CNOT10: variants seen among roughly 807,000 people sequenced by gnomAD.
The protein encoded by CNOT10 is CCR4-NOT transcription complex, subunit 10.
A neutral mutation model predicts 94.6 loss-of-function variants in CNOT10; 30 were observed. That is an observed-to-expected ratio of 0.32 (90% CI 0.24 to 0.43). The LOEUF is 0.43. Ranked by LOEUF, CNOT10 falls within the 20% of genes least tolerant of loss-of-function variation. The pLI, the probability that CNOT10 is intolerant of heterozygous loss-of-function variation, is 1.00. For synonymous variants in CNOT10, 289 were observed against 301.6 expected, an observed-to-expected ratio of 0.96 and a Z score of 0.43; for missense variants, 759 against 877.2, an observed-to-expected ratio of 0.87 and a Z score of 1.70.
At chr3:32,739,628 A>G (rs1228224015) in intron 13 of CNOT10, among the ~76,000 whole-genome samples, 6 of 152,072 alleles carry the variant, frequency 3.9e-5, no homozygotes, top group Non-Finnish European at 7.4e-5. Context: ...CTCTAAAAAA[A>G]TCAAAAAATT....
At chr3:32,746,055 T>C (rs7428144) in intron 13 of CNOT10, among the ~76,000 whole-genome samples, 150,263 of 152,362 alleles carry the variant, frequency 0.99, 74,137 homozygotes, top group East Asian at 1. Context: ...TTTCCTGTTT[T>C]TTCTTTTCCT....
intron 13 of CNOT10, among the ~76,000 whole-genome samples, chr3:32,746,747 G>A (rs1299764735): frequency 6.7e-6 from 1 of 149,936 alleles, no homozygotes; most frequent in Non-Finnish European, 1.5e-5. Flanking sequence ...TGAGGCAGGA[G>A]AATGGTGTGT....
chr3:32,731,164 A>C (rs1183235517), intron 10 of CNOT10: 3 of 152,208 alleles, frequency 2.0e-5, no homozygotes, highest in Non-Finnish European at 4.4e-5. Flanking sequence ...CCACTTTTTC[A>C]TTAATATTGC....
intron 13 of CNOT10, among the ~76,000 whole-genome samples, chr3:32,741,860 G>A (rs530950314): frequency 3.4e-4 from 52 of 151,218 alleles, no homozygotes; most frequent in African/African-American, 1.0e-3. Flanking sequence ...ATGTATGAGT[G>A]ATCCAGTTTC....
intron 14 of CNOT10, among the ~76,000 whole-genome samples, chr3:32,761,560 T>C (rs1339708103): frequency 1.3e-5 from 2 of 150,484 alleles, no homozygotes; most frequent in Non-Finnish European, 3.0e-5. Flanking sequence ...ACCCGGCTAA[T>C]TTTTTTTCTT....
intron 8 of CNOT10, among the ~76,000 whole-genome samples, chr3:32,723,537 G>A (rs1698517258): frequency 2.0e-5 from 3 of 152,120 alleles, no homozygotes; most frequent in Non-Finnish European, 4.4e-5. Context: ...TTTTGTGATG[G>A]AGAAGGCTTG....
rs192738588 is a variant in CNOT10, at chr3:32,772,010, T to C, written c.2081-1447T>C. ...GAAGAAAGGCTGTTGGCTCTAAATA[T>C]GAGATAGCATGAAGTAGAAAAGAGA... On this transcript the variant is annotated intron_variant, in intron 18 of 18. Coordinates refer to ENST00000328834, the MANE Select transcript of CNOT10 (RefSeq NM_015442.3). 2.0e-3 allele frequency among the ~76,000 whole-genome samples: 305 copies of C among 152,216 alleles called. 1 individual carries two copies. The highest frequency in any genetic ancestry group is 3.4e-3 in the Admixed American group (52 of 15,286).
At chr3:32,772,292 T>C (rs150377674) in intron 18 of CNOT10, among the ~76,000 whole-genome samples, 3,281 of 151,384 alleles carry the variant, frequency 0.022, 61 homozygotes, top group Middle Eastern at 0.085. Flanking sequence ...GAGGTTGCAC[T>C]GAGCCGAGAT....
intron 13 of CNOT10, chr3:32,753,279 C>G: frequency 5.9e-6 from 5 of 850,982 alleles, no homozygotes; most frequent in Non-Finnish European, 1.0e-5. Flanking sequence ...TGTCAAGAAG[C>G]TCAGAATGGC....
intron 8 of CNOT10, among the ~76,000 whole-genome samples, chr3:32,722,866 C>G (rs1698486945): frequency 6.6e-6 from 1 of 152,100 alleles, no homozygotes; most frequent in Admixed American, 6.6e-5. Context: ...CGCCTGTATT[C>G]CCAGCTACTT....
chr3:32,743,270 AG>A (rs763368674), intron 13 of CNOT10, among the ~76,000 whole-genome samples: 2 of 152,096 alleles, frequency 1.3e-5, no homozygotes, highest in African/African-American at 2.4e-5. Context: ...TACAGGCATG[AG>A]CCACCCACCC....
At chr3:32,747,164 C>T (rs1324017040) in intron 13 of CNOT10, among the ~76,000 whole-genome samples, 1 of 151,920 alleles carries the variant, frequency 6.6e-6, no homozygotes, top group Non-Finnish European at 1.5e-5. Flanking sequence ...ACCTGTAATC[C>T]CAGCACTTTG....
At chr3:32,768,910 T>C (rs553361717) in intron 17 of CNOT10, 47 of 152,348 alleles carry the variant, frequency 3.1e-4, no homozygotes, top group Non-Finnish European at 1.3e-4. Flanking sequence ...CTGTGAGATA[T>C]CTACCCTGCA....
intron 10 of CNOT10, 150 bp from the exon 11 acceptor site, chr3:32,733,273 C>G: frequency 1.8e-6 from 1 of 554,138 alleles, no homozygotes; most frequent in Non-Finnish European, 3.1e-6. Flanking sequence ...TCCACTAATA[C>G]CAAACATGTT....
chr3:32,768,385 T>C (rs1045984905), intron 17 of CNOT10, among the ~76,000 whole-genome samples: 1 of 152,032 alleles, frequency 6.6e-6, no homozygotes, highest in East Asian at 1.9e-4. Flanking sequence ...AGTTCAAGAC[T>C]AGCCTGGACA....
At chr3:32,723,436 T>C (rs999146889) in intron 8 of CNOT10, among the ~76,000 whole-genome samples, 7 of 151,960 alleles carry the variant, frequency 4.6e-5, no homozygotes, top group Admixed American at 4.6e-4. Flanking sequence ...TAGATTACTT[T>C]CATTACGCCA....
chr3:32,740,880 A>C (rs1318320933), intron 13 of CNOT10, among the ~76,000 whole-genome samples: 1 of 151,212 alleles, frequency 6.6e-6, no homozygotes, highest in East Asian at 2.0e-4. Context: ...AAAAAAAAAA[A>C]ATTTGTGTAG....
intron 1 of CNOT10, among the ~76,000 whole-genome samples, chr3:32,686,273 A>G (rs534639710): frequency 6.6e-6 from 1 of 152,332 alleles, no homozygotes; most frequent in African/African-American, 2.4e-5. Flanking sequence ...TCTTTGTGGC[A>G]TCCAGGTTTT....
At chr3:32,695,673 C>G (rs1227341296) in intron 1 of CNOT10, 1 of 1,535,786 alleles carries the variant, frequency 6.5e-7, no homozygotes, top group Non-Finnish European at 8.7e-7. Context: ...GGTCAAAGAG[C>G]TCTGTACGCA....
Sources: allele counts gnomAD v4.1 joint callset (sites outside exome capture counted in the v4.1 genomes callset), GRCh38; gene constraint gnomAD v4.1.1; transcripts MANE v1.5; gene names NCBI Gene and HGNC (gene_info 2026-07-23, HGNC 2026-07-21).